The following KDM4B variants were observed in gnomAD, a reference collection of about 807,000 sequenced individuals.
KDM4B encodes the protein lysine demethylase 4B, also known as lysine-specific demethylase 4B.
KDM4B carries 32 observed loss-of-function variants against 125.2 expected under a neutral mutation model. That is an observed-to-expected ratio of 0.26 (90% CI 0.19 to 0.34). The LOEUF (loss-of-function observed/expected upper bound fraction) is 0.34. KDM4B is among the 10% of genes least tolerant of loss of function. The pLI is 1.00. For synonymous variants in KDM4B, 721 were observed against 677.9 expected, an observed-to-expected ratio of 1.06 and a Z score of -0.99; for missense variants, 1,190 against 1,577.7, an observed-to-expected ratio of 0.75 and a Z score of 4.16.
chr19:5,033,446 G>C (rs764963924), intron 3 of KDM4B, among the ~76,000 whole-genome samples: 2 of 152,132 alleles, frequency 1.3e-5, no homozygotes, highest in Admixed American at 1.3e-4. Context: ...TGGGTATGGT[G>C]GTGCATGCCT....
intron 9 of KDM4B, among the ~76,000 whole-genome samples, chr19:5,107,909 C>G (rs2039066256): frequency 6.6e-6 from 1 of 152,240 alleles, no homozygotes; most frequent in African/African-American, 2.4e-5. Flanking sequence ...TCTTGGGTGT[C>G]CTGGCTCCCC....
chr19:5,056,101 C>T (rs2037387337), intron 6 of KDM4B, among the ~76,000 whole-genome samples: 1 of 152,178 alleles, frequency 6.6e-6, no homozygotes, highest in African/African-American at 2.4e-5. Context: ...GGAGGGCTGG[C>T]CAGGGAGTTT....
At chr19:5,018,309 T>C (rs946785478) in intron 2 of KDM4B, among the ~76,000 whole-genome samples, 2 of 152,246 alleles carry the variant, frequency 1.3e-5, no homozygotes, top group Non-Finnish European at 1.5e-5. Flanking sequence ...GTCACAGGCG[T>C]GAGTCACCTC....
At chr19:5,107,346 T>C (rs1348682163) in intron 9 of KDM4B, among the ~76,000 whole-genome samples, 1 of 152,224 alleles carries the variant, frequency 6.6e-6, no homozygotes, top group Non-Finnish European at 1.5e-5. Context: ...GGTGCCTTCC[T>C]TATCTGTCGC....
intron 9 of KDM4B, among the ~76,000 whole-genome samples, chr19:5,107,413 G>C (rs1489869512): frequency 1.3e-5 from 2 of 152,206 alleles, no homozygotes; most frequent in African/African-American, 4.8e-5. Context: ...GGCGGGGCCT[G>C]TTCCCTCCAG....
chr19:5,149,462 G>A (rs2039909099), intron 21 of KDM4B, among the ~76,000 whole-genome samples: 2 of 152,224 alleles, frequency 1.3e-5, no homozygotes, highest in Admixed American at 1.3e-4. Flanking sequence ...ATGCCACCAT[G>A]CCTGGCTTGT....
intron 1 of KDM4B, among the ~76,000 whole-genome samples, chr19:4,991,928 T>C (rs1181590165): frequency 1.3e-5 from 2 of 152,244 alleles, no homozygotes; most frequent in Non-Finnish European, 2.9e-5. Flanking sequence ...AGTTACTTTC[T>C]TTTATTACTC....
At position 4,986,377 on chromosome 19, in the gene KDM4B, G is replaced by C. The variant is rs192995591; in HGVS notation, c.-109+17147G>C. Among the ~76,000 whole-genome samples, 166 of 152,316 alleles carry C rather than the reference G, an allele frequency of 1.1e-3. 1 individual carries two copies. The highest frequency in any genetic ancestry group is 3.7e-3 in the African/African-American group (154 of 41,570). ...GCGATGGCGGAGTAAACGGGTGATG[G>C]CCACTGAGCGCTGGCCGTGGGGACT... On this transcript the variant is annotated intron_variant, in intron 1 of 22. Coordinates refer to ENST00000159111, the MANE Select transcript of KDM4B (RefSeq NM_015015.3).
chr19:5,124,110 G>A (rs1223022942), intron 11 of KDM4B, among the ~76,000 whole-genome samples: 1 of 152,130 alleles, frequency 6.6e-6, no homozygotes, highest in Admixed American at 6.5e-5. Context: ...GCTGTGTGTG[G>A]TCTCACAGGA....
intron 21 of KDM4B, among the ~76,000 whole-genome samples, chr19:5,146,956 AAAAAAAC>A (rs2039861117): frequency 6.6e-6 from 1 of 150,556 alleles, no homozygotes; most frequent in Non-Finnish European, 1.5e-5. Context: ...AAAAAAAAAA[AAAAAAAC>A]AAAAACTCTG....
intron 1 of KDM4B, among the ~76,000 whole-genome samples, chr19:4,993,072 C>T (rs115288758): frequency 5.2e-4 from 79 of 152,310 alleles, no homozygotes; most frequent in African/African-American, 1.9e-3. Context: ...GCTCAAGTCT[C>T]TCTCTTTGTT....
intron 7 of KDM4B, among the ~76,000 whole-genome samples, chr19:5,072,189 C>G (rs186553656): frequency 7.2e-5 from 11 of 152,372 alleles, no homozygotes; most frequent in Admixed American, 5.9e-4. Flanking sequence ...CTCTCTTCCC[C>G]CTTCCCATGG....
chr19:5,135,281 GC>G, intron 14 of KDM4B, 57 bp from the exon 15 acceptor site: 2 of 1,263,228 alleles, frequency 1.6e-6, no homozygotes, highest in South Asian at 2.5e-5. Flanking sequence ...GGTCCGCGCC[GC>G]CCGCCCGCCT....
chr19:5,007,538 CTCTCTT>C (rs1488491605), intron 1 of KDM4B, among the ~76,000 whole-genome samples: 3 of 128,956 alleles, frequency 2.3e-5, no homozygotes, highest in Non-Finnish European at 3.2e-5. Context: ...CACTTTCTCT[CTCTCTT>C]TTTTTTTTTT....
rs149036867 is a variant in KDM4B, at chr19:5,071,848, A to G, written c.676+789A>G. Among the ~76,000 whole-genome samples, 344 of 152,260 alleles carry G rather than the reference A, an allele frequency of 2.3e-3. 1 individual carries two copies. The highest frequency in any genetic ancestry group is 0.01 in the Middle Eastern group (3 of 294). On this transcript the variant is annotated intron_variant, in intron 7 of 22. Transcript: ENST00000159111. ...CCTCACTGCTCCTAAGTGCCTGGAG[A>G]GTCATGAAAAGACACAGCTGGCTAA...
chr19:5,033,431 T>A (rs79112917), intron 3 of KDM4B, among the ~76,000 whole-genome samples: 1 of 152,042 alleles, frequency 6.6e-6, no homozygotes, highest in African/African-American at 2.4e-5. Context: ...TTTTTTTTTT[T>A]AAGCTGGGTA....
chr19:5,016,064 C>T (rs1403973976), intron 1 of KDM4B, among the ~76,000 whole-genome samples, 193 bp from the exon 2 acceptor site: 1 of 152,188 alleles, frequency 6.6e-6, no homozygotes. Context: ...AATGGGCCCT[C>T]ATTGGAAAAC....
At chr19:5,007,037 C>T (rs1275201418) in intron 1 of KDM4B, among the ~76,000 whole-genome samples, 1 of 152,146 alleles carries the variant, frequency 6.6e-6, no homozygotes, top group Non-Finnish European at 1.5e-5. Flanking sequence ...CAGGCGCAGA[C>T]CTGGGCAGGG....
chr19:5,006,301 C>T (rs1188745849), intron 1 of KDM4B, among the ~76,000 whole-genome samples: 3 of 152,092 alleles, frequency 2.0e-5, no homozygotes, highest in Admixed American at 1.3e-4. Context: ...CTTGTGGGGG[C>T]TTCACTTCCT....
Sources: allele counts gnomAD v4.1 joint callset (sites outside exome capture counted in the v4.1 genomes callset), GRCh38; gene constraint gnomAD v4.1.1; transcripts MANE v1.5; gene names NCBI Gene and HGNC (gene_info 2026-07-23, HGNC 2026-07-21).